Variants in RP1L1 observed in about 807,000 individuals in gnomAD.
RP1L1 encodes retinitis pigmentosa 1-like 1 protein.
In RP1L1, 27 loss-of-function variants were observed where a neutral mutation model predicts 15.7. That is an observed-to-expected ratio of 1.72 (90% confidence interval 1.27 to 2.38). RP1L1 has a LOEUF of 2.38. Ranked by LOEUF, RP1L1 falls within the 30% of genes most tolerant of loss-of-function variation. The pLI is 0.00. For missense variants in RP1L1, 4,798 were observed against 3,075.9 expected, an observed-to-expected ratio of 1.56 and a Z score of -13.24; for synonymous variants, 1,813 against 1,276.7, an observed-to-expected ratio of 1.42 and a Z score of -8.96.
chr8:10,620,228 G>A (rs1168279096), intron 2 of RP1L1, among the ~76,000 whole-genome samples: 1 of 152,160 alleles, frequency 6.6e-6, no homozygotes, highest in Admixed American at 6.6e-5. Flanking sequence ...TATAAAATTA[G>A]TTCTTTGGAT....
intron 1 of RP1L1, among the ~76,000 whole-genome samples, chr8:10,633,466 C>G (rs956531908): frequency 1.3e-5 from 2 of 152,200 alleles, no homozygotes; most frequent in Non-Finnish European, 2.9e-5. Flanking sequence ...TCCAGCCAAA[C>G]AAAACCCCGG....
intron 1 of RP1L1, among the ~76,000 whole-genome samples, chr8:10,642,299 G>A (rs1798418496): frequency 6.6e-6 from 1 of 152,086 alleles, no homozygotes; most frequent in South Asian, 2.1e-4. Flanking sequence ...GACTGCAATA[G>A]ATGCAGTTAA....
chr8:10,616,499 G>C lies in RP1L1; in HGVS notation c.698C>G (p.Ala233Gly). The change falls in exon 3 of 4, where the codon GCC becomes GGC. Residue 233 changes from alanine to glycine, a missense_variant. Coordinates refer to ENST00000382483, the MANE Select transcript of RP1L1 (RefSeq NM_178857.6). The part of the protein sequence containing the change: ...EAFRTPAMKN[A>G]RRSEAETLSG... Reference sequence around the variant, plus strand: ...TAAAGTTTCAGCCTCGCTTCTCCTGGCATTTTTCATGGCTGGGGTTCTGAA... The same window carrying C: ...TAAAGTTTCAGCCTCGCTTCTCCTGCCATTTTTCATGGCTGGGGTTCTGAA... The C allele has an allele frequency of 6.2e-7, 1 of 1,614,202 alleles. No homozygotes were observed. Among genetic ancestry groups the C allele is most frequent in the African/African-American group, 1.3e-5 (1 of 75,062 alleles).
At position 10,608,672 on chromosome 8, in the gene RP1L1, C is replaced by T; in HGVS notation, c.5426G>A (p.Gly1809Glu). The T allele has an allele frequency of 6.2e-7, 1 of 1,614,198 alleles. No individual in the cohort carries two copies. Among genetic ancestry groups the T allele is most frequent in the Non-Finnish European group, 8.5e-7 (1 of 1,180,040 alleles). The change falls in exon 4 of 4, where the codon GGG becomes GAG. Residue 1809 changes from glycine (G) to glutamate (E), a missense_variant. Gly to Glu is a moderately conservative substitution (Grantham distance 98). Coordinates refer to ENST00000382483, the MANE Select transcript of RP1L1 (RefSeq NM_178857.6). Reference sequence around the variant, plus strand: ...TTCACCCTGCAAGTTGTCCTCATGCCCAGAGCCTTGACCCCCAGTTTCTCC... The same window carrying T: ...TTCACCCTGCAAGTTGTCCTCATGCTCAGAGCCTTGACCCCCAGTTTCTCC... Reference protein sequence around the residue: ...ERGETGGQGSGHEDNLQGEAA... With the variant: ...ERGETGGQGSEHEDNLQGEAA...
chr8:10,636,277 T>C (rs1798328670), intron 1 of RP1L1, among the ~76,000 whole-genome samples: 1 of 152,202 alleles, frequency 6.6e-6, no homozygotes, highest in South Asian at 2.1e-4. Context: ...CCGGTGACTC[T>C]TGCTTTGTCC....
rs775602262 is a variant in RP1L1 at position 10,612,496 on chromosome 8, G to C, written c.1602C>G (p.Asp534Glu). Residue 534 changes from aspartate to glutamate, a missense_variant, in exon 4 of 4, where the codon GAC (aspartate) becomes GAG (glutamate). Coordinates refer to ENST00000382483, the MANE Select transcript of RP1L1 (RefSeq NM_178857.6). Reference sequence around the variant, plus strand: ...CATGAGAGCCGGTGCTGGCTGACGAGTCCGAAGAAGCCCCCTCCTCACTCC... The same window carrying C: ...CATGAGAGCCGGTGCTGGCTGACGACTCCGAAGAAGCCCCCTCCTCACTCC... ...RARSEEGASS[D>E]SSASTGSHEG... 23 of 1,612,324 alleles carry C rather than the reference G, an allele frequency of 1.4e-5. No homozygotes were observed. The highest frequency in any genetic ancestry group is 2.7e-5 in the African/African-American group (2 of 74,940).
chr8:10,636,972 G>C (rs1174922586), intron 1 of RP1L1, among the ~76,000 whole-genome samples: 1 of 152,196 alleles, frequency 6.6e-6, no homozygotes, highest in African/African-American at 2.4e-5. Flanking sequence ...CCTGCCCTGA[G>C]GCCCTGACAG....
chr8:10,626,426 C>T lies in RP1L1; in HGVS notation c.-19-3206G>A, dbSNP rs139569794. Among the ~76,000 whole-genome samples the T allele has an allele frequency of 9.1e-3, 1,380 of 152,262 alleles. 15 individuals carry two copies. Among genetic ancestry groups the T allele is most frequent in the African/African-American group, 0.031 (1,298 of 41,552 alleles). On this transcript the variant is annotated intron_variant, in intron 1 of 3. Coordinates refer to ENST00000382483, the MANE Select transcript of RP1L1 (RefSeq NM_178857.6). ...AAGCTCACATGTCCCCAGAGAAAAA[C>T]ACGTGGGGCATGCAGCCCCCGGAGA... is the stretch of plus-strand genomic sequence containing the variant.
chr8:10,613,477 G>A lies in RP1L1; in HGVS notation c.752-131C>T, dbSNP rs1797914809. On this transcript the variant is annotated intron_variant, in intron 3 of 3. Transcript: ENST00000382483. ...ATCACCACTGCCTCCAAAATGCACGGTGACAGCTGTGCGCGGTGGCTCAGG... is the reference window on the plus strand; with the variant it reads ...ATCACCACTGCCTCCAAAATGCACGATGACAGCTGTGCGCGGTGGCTCAGG... The A allele has an allele frequency of 1.7e-5, 22 of 1,328,470 alleles. No individual in the cohort carries two copies. The South Asian group carries it at 2.4e-4, about 15-fold the overall frequency. 82.3% of individuals were successfully genotyped at this position (1,328,470 alleles called of 1,614,324 possible).
Position 10,612,830 on chromosome 8 carries a change from C to G in RP1L1, c.1268G>C (p.Arg423Pro), listed in dbSNP as rs566321002. 2.3e-5 allele frequency: 37 copies of G among 1,612,210 alleles called. No individual in the cohort carries two copies. The highest frequency in any genetic ancestry group is 3.1e-5 in the Non-Finnish European group (37 of 1,179,854). The change falls in exon 4 of 4, where the codon CGG becomes CCG. Residue 423 changes from arginine (R) to proline (P), a missense_variant. Physicochemically the swap from Arg to Pro is moderately radical, Grantham distance 103. Transcript: ENST00000382483. ...HASQGERVAA[R>P]KRWGLAQHVR... ...GTGCTGGGCCAGTCCCCACCTCTTC[C>G]GAGCTGCCACTCTCTCTCCCTGGGA...
chr8:10,623,334 AC>A, intron 1 of RP1L1, 114 bp from the exon 2 acceptor site: 2 of 774,354 alleles, frequency 2.6e-6, no homozygotes, highest in Non-Finnish European at 4.0e-6. Context: ...GCTCCACTCC[AC>A]TATGGAGAGG....
rs759486834 is a variant in RP1L1 at position 10,611,548 on chromosome 8, G to A, written c.2550C>T (p.Gly850=). The A allele has an allele frequency of 1.3e-6, 2 of 1,596,678 alleles. No individual in the cohort carries two copies. The highest frequency in any genetic ancestry group is 1.7e-5 in the Admixed American group (1 of 57,174). The change falls in exon 4 of 4, where the codon GGC becomes GGT. Residue 850 remains glycine, a synonymous_variant. Transcript: ENST00000382483. ...GPSPEASWLC[G]RYCPTPPRGR... ...CCCTGGGCGGGGTGGGACAGTACCTGCCACACAGCCAGCTAGCCTCAGGGG... is the reference window on the plus strand; with the variant it reads ...CCCTGGGCGGGGTGGGACAGTACCTACCACACAGCCAGCTAGCCTCAGGGG...
At chr8:10,626,765 T>A (rs1585985083) in intron 1 of RP1L1, among the ~76,000 whole-genome samples, 2 of 152,202 alleles carry the variant, frequency 1.3e-5, no homozygotes, top group Non-Finnish European at 2.9e-5. Context: ...AAAGACAGAA[T>A]GACAAAAAGC....
rs766215556 is a variant in RP1L1 at position 10,612,624 on chromosome 8, C to T, written c.1474G>A (p.Glu492Lys). The T allele has an allele frequency of 6.2e-7, 1 of 1,602,290 alleles. No homozygotes were observed. The highest frequency in any genetic ancestry group is 1.7e-5 in the Admixed American group (1 of 59,986). ...CCCAGGCTCCCTCCAGCTTTCCGCT[C>T]AGCCCCTATCTGGGCAGAGGGGCTG... is the stretch of plus-strand genomic sequence containing the variant. ...SASPSAQIGA[E>K]RKAGGSLGED... Residue 492 changes from glutamate to lysine, a missense_variant, in exon 4 of 4, where the codon GAG becomes AAG. By Grantham distance (56) the Glu-to-Lys change is moderately conservative (BLOSUM62 1). Transcript: ENST00000382483.
chr8:10,616,408 G>C (rs376053164), intron 3 of RP1L1, 38 bp downstream of exon 3: 18 of 1,613,750 alleles, frequency 1.1e-5, no homozygotes, highest in Non-Finnish European at 1.5e-5. Context: ...CCACCATGCA[G>C]TGCAAATCAG....
At chr8:10,622,511 A>G in intron 2 of RP1L1, 82 bp downstream of exon 2, 1 of 1,586,880 alleles carries the variant, frequency 6.3e-7, no homozygotes, top group Non-Finnish European at 8.6e-7. Context: ...TTTTTAAGGA[A>G]TAATCTCTCT....
At chr8:10,621,071 T>C (rs1798050094) in intron 2 of RP1L1, 1 of 152,244 alleles carries the variant, frequency 6.6e-6, no homozygotes, top group Non-Finnish European at 1.5e-5. Flanking sequence ...TATTAATCAA[T>C]TTCCCTTTTC....
Position 10,611,248 on chromosome 8 carries a change from G to C in RP1L1, c.2850C>G (p.Arg950=). The C allele has an allele frequency of 1.2e-6, 2 of 1,613,046 alleles. No homozygotes were observed. Among genetic ancestry groups the C allele is most frequent in the African/African-American group, 1.3e-5 (1 of 75,054 alleles). The change falls in exon 4 of 4, where the codon CGC becomes CGG. Residue 950 remains arginine (R), a synonymous_variant. Transcript: ENST00000382483. ...CGCGGACCACAGCCTCTGGAGACGA[G>C]CGGGGCAGAGAGCTGGGTGACACAC... The part of the protein sequence containing the change: ...ASGVSPSSLP[R]SSPEAVVREW...
rs887445070 is a variant in RP1L1 at position 10,629,767 on chromosome 8, C to T, written c.-19-6547G>A. 2.6e-5 allele frequency among the ~76,000 whole-genome samples: 4 copies of T among 152,104 alleles called. No homozygotes were observed. The East Asian group carries it at 5.8e-4, about 22-fold the overall frequency. On this transcript the variant is annotated intron_variant, in intron 1 of 3. Transcript: ENST00000382483. ...TCCCCAGCTCCTCCTGTCTTTCTAC[C>T]CTGCTGTCCTTACCACTTATTCCCT...
Sources: gnomAD v4.1 joint callset for allele counts (sites outside exome capture counted in the v4.1 genomes callset) on GRCh38, gnomAD v4.1.1 for gene constraint, MANE v1.5 for transcripts, NCBI Gene and HGNC (gene_info 2026-07-23, HGNC 2026-07-21) for gene names.